MLXIPL: variants seen among roughly 807,000 people sequenced by gnomAD.
The protein encoded by MLXIPL is MLX interacting protein like, also known as carbohydrate-responsive element-binding protein.
In MLXIPL, 49 loss-of-function variants were observed where a neutral mutation model predicts 81.5. The ratio of observed to expected loss-of-function variants is 0.60; its 90% CI spans 0.48 to 0.76. The LOEUF (loss-of-function observed/expected upper bound fraction) is 0.76, where lower values mean the gene tolerates loss of function less well. MLXIPL is among the 30% of genes least tolerant of loss of function. The pLI, the probability that MLXIPL is intolerant of heterozygous loss-of-function variation, is 0.00. For synonymous variants in MLXIPL, 466 were observed against 485.5 expected (o/e 0.96, Z 0.53); for missense variants, 1,053 against 1,167.0 (o/e 0.90, Z 1.42).
At chr7:73,606,246 G>A in intron 5 of MLXIPL, 135 bp from the exon 6 acceptor site, 1 of 926,094 alleles carries the variant, frequency 1.1e-6, no homozygotes, top group South Asian at 1.4e-5. Context: ...TTTCCCTAGT[G>A]GACCTAGCTT....
intron 2 of MLXIPL, 59 bp from the exon 3 acceptor site, chr7:73,607,731 GGGGA>G: frequency 6.7e-7 from 1 of 1,495,910 alleles, no homozygotes; most frequent in Non-Finnish European, 9.3e-7. Context: ...CCTCACCCCA[GGGGA>G]CTGGGACTCA....
At chr7:73,602,924 C>T (rs1459340063) in intron 7 of MLXIPL, among the ~76,000 whole-genome samples, 2 of 152,202 alleles carry the variant, frequency 1.3e-5, no homozygotes, top group Non-Finnish European at 1.5e-5. Flanking sequence ...ACCAGCCACC[C>T]GCTTACCATC....
chr7:73,645,209 C>A, the MLXIPL span, among the ~76,000 whole-genome samples: 3 of 152,064 alleles, frequency 2.0e-5, no homozygotes, highest in Non-Finnish European at 4.4e-5. Flanking sequence ...TAATTTGTTG[C>A]AGAGACACAG....
the MLXIPL span, among the ~76,000 whole-genome samples, chr7:73,634,873 G>A: frequency 6.9e-6 from 1 of 145,754 alleles, no homozygotes; most frequent in Non-Finnish European, 1.5e-5. Flanking sequence ...TGGAGTGCAG[G>A]GGCGGGATCT....
intron 1 of MLXIPL, among the ~76,000 whole-genome samples, chr7:73,616,406 TGTCA>T (rs782465165): frequency 6.6e-6 from 1 of 152,154 alleles, no homozygotes; most frequent in Non-Finnish European, 1.5e-5. Flanking sequence ...GAGACCTGTT[TGTCA>T]GTCTACTGCA....
At chr7:73,643,851 TTGAACTCC>T in the MLXIPL span, among the ~76,000 whole-genome samples, 1 of 152,124 alleles carries the variant, frequency 6.6e-6, no homozygotes, top group Non-Finnish European at 1.5e-5. Flanking sequence ...CACTGCAACT[TTGAACTCC>T]TGGCTCAAGT....
At chr7:73,616,021 T>A (rs1584138935) in intron 2 of MLXIPL, 50 bp downstream of exon 2, 1 of 1,493,802 alleles carries the variant, frequency 6.7e-7, no homozygotes, top group African/African-American at 1.4e-5. Context: ...GGCAGGAGGG[T>A]TGGAGGGGGC....
the MLXIPL span, among the ~76,000 whole-genome samples, chr7:73,647,834 G>A: frequency 2.7e-5 from 4 of 150,850 alleles, no homozygotes; most frequent in Admixed American, 6.6e-5. Flanking sequence ...GGCGGGCGGC[G>A]GGGGCGCTGC....
At position 73,595,822 on chromosome 7, in the gene MLXIPL, C is replaced by A. The variant is rs1489421863; in HGVS notation, c.2186+20G>T. ...GCGGCATGGCCCCCTGGTCCCAGCA[C>A]CCGCCTGGACCCTGCCTACTTAATG... is the stretch of plus-strand genomic sequence containing the variant. On this transcript the variant is annotated intron_variant, in intron 14 of 16. Transcript: ENST00000313375. 4 of 1,591,162 alleles carry A rather than the reference C, an allele frequency of 2.5e-6. No individual in the cohort carries two copies. The highest frequency in any genetic ancestry group is 2.6e-6 in the Non-Finnish European group (3 of 1,168,874).
intron 7 of MLXIPL, among the ~76,000 whole-genome samples, chr7:73,605,296 T>C (rs1031851619): frequency 6.6e-6 from 1 of 151,024 alleles, no homozygotes; most frequent in Non-Finnish European, 1.5e-5. Context: ...TGGTGGCTCA[T>C]GCCTGTAATC....
chr7:73,604,587 TTAAAA>T (rs1218398761), intron 7 of MLXIPL, among the ~76,000 whole-genome samples: 1 of 151,772 alleles, frequency 6.6e-6, no homozygotes, highest in Non-Finnish European at 1.5e-5. Flanking sequence ...ATAAATTAAA[TTAAAA>T]TAAAATAAAA....
chr7:73,613,315 T>C (rs1341155488), intron 2 of MLXIPL, among the ~76,000 whole-genome samples: 1 of 152,120 alleles, frequency 6.6e-6, no homozygotes, highest in Non-Finnish European at 1.5e-5. Context: ...ATAGGACCTA[T>C]TGGCCGGGCG....
At chr7:73,631,002 T>C in the MLXIPL span, among the ~76,000 whole-genome samples, 1 of 149,982 alleles carries the variant, frequency 6.7e-6, no homozygotes. Context: ...ACAGTCACAC[T>C]AGGGAATACT....
At position 73,602,101 on chromosome 7, in the gene MLXIPL, TGCC is replaced by T. The variant is rs1554596467; in HGVS notation, c.902-2409_902-2407del. 7.5e-5 allele frequency among the ~76,000 whole-genome samples: 10 copies of T among 133,898 alleles called. 1 individual carries two copies. Among genetic ancestry groups the T allele is most frequent in the Admixed American group, 6.9e-4 (9 of 13,056 alleles). 87.8% of individuals were successfully genotyped at this position (133,898 alleles called of 152,430 possible). On this transcript the variant is annotated intron_variant, in intron 7 of 16. Transcript: ENST00000313375. The stretch of plus-strand genomic sequence containing the variant: ...CTGCCTGCCTGCCTGCCTGCCTTCC[TGCC>T]TGCCTGCCTGCCTGCCTGCCTGCCT...
chr7:73,602,130 G>GCCTGCCTT (rs1461829446), intron 7 of MLXIPL, among the ~76,000 whole-genome samples: 14 of 80,540 alleles, frequency 1.7e-4, no homozygotes, highest in African/African-American at 4.9e-4. Flanking sequence ...CTGCCTGCCT[G>GCCTGCCTT]CCTTCCTTCC....
At chr7:73,612,300 C>T (rs1795737079) in intron 2 of MLXIPL, among the ~76,000 whole-genome samples, 1 of 151,790 alleles carries the variant, frequency 6.6e-6, no homozygotes, top group Admixed American at 6.6e-5. Context: ...CACTGCACTC[C>T]AGCCTGGGTG....
chr7:73,608,657 C>T (rs1391137207), intron 2 of MLXIPL, among the ~76,000 whole-genome samples: 1 of 152,110 alleles, frequency 6.6e-6, no homozygotes, highest in Non-Finnish European at 1.5e-5. Flanking sequence ...GGGTCCTCTG[C>T]CTCAGAAGGC....
intron 2 of MLXIPL, among the ~76,000 whole-genome samples, chr7:73,613,907 C>A (rs1795847811): frequency 6.6e-6 from 1 of 152,024 alleles, no homozygotes; most frequent in East Asian, 1.9e-4. Flanking sequence ...GAGGCTGAGG[C>A]GGGCAGATCA....
chr7:73,646,203 CG>C, the MLXIPL span, among the ~76,000 whole-genome samples: 1 of 152,100 alleles, frequency 6.6e-6, no homozygotes, highest in African/African-American at 2.4e-5. Flanking sequence ...AAGACAGCCC[CG>C]GGGAGGGTAC....
Sources: allele counts gnomAD v4.1 joint callset (sites outside exome capture counted in the v4.1 genomes callset), GRCh38; gene constraint gnomAD v4.1.1; transcripts MANE v1.5; gene names NCBI Gene and HGNC (gene_info 2026-07-23, HGNC 2026-07-21).